The following DRICH1 variants were observed in gnomAD, a reference collection of about 807,000 sequenced individuals.
The protein encoded by DRICH1 is aspartate rich 1, also known as aspartate-rich protein 1.
Under a neutral mutation model 39.5 loss-of-function variants are expected in DRICH1, and 38 were observed. That is an observed-to-expected ratio of 0.96 (90% CI 0.74 to 1.26). DRICH1 has a LOEUF of 1.26. DRICH1 is among the 50% of genes most tolerant of loss of function. The probability of loss-of-function intolerance (pLI) is 0.00; values close to 1 mark genes in which losing one functional copy is unlikely to be tolerated. For missense variants in DRICH1, 279 were observed against 270.4 expected (o/e 1.03, Z -0.22); for synonymous variants, 84 against 99.5 (o/e 0.84, Z 0.93).
At chr22:23,619,910 C>G (rs1008904841) in intron 5 of DRICH1, among the ~76,000 whole-genome samples, 5 of 151,758 alleles carry the variant, frequency 3.3e-5, no homozygotes, top group Admixed American at 3.3e-4. Context: ...ATCCATTTCT[C>G]CTATGCATCT....
At chr22:23,592,779 G>A in the DRICH1 span, among the ~76,000 whole-genome samples, 1 of 151,362 alleles carries the variant, frequency 6.6e-6, no homozygotes, top group East Asian at 1.9e-4. Context: ...ATCACCTGAG[G>A]TCAGGAGTTT....
At chr22:23,631,658 A>T (rs1392285982) in intron 1 of DRICH1, among the ~76,000 whole-genome samples, 158 bp downstream of exon 1, 5 of 115,950 alleles carry the variant, frequency 4.3e-5, no homozygotes. Context: ...GACAGGAGGC[A>T]GAGTCAGCCT....
chr22:23,592,007 C>G, the DRICH1 span, among the ~76,000 whole-genome samples: 2 of 152,190 alleles, frequency 1.3e-5, no homozygotes, highest in African/African-American at 2.4e-5. Context: ...TCCCCCAAAC[C>G]TCCAGCCCAG....
chr22:23,589,463 A>C, the DRICH1 span, among the ~76,000 whole-genome samples: 6 of 149,522 alleles, frequency 4.0e-5, no homozygotes, highest in South Asian at 6.4e-4. Flanking sequence ...AAAAAAACCC[A>C]AAAAACATAC....
At chr22:23,626,153 G>A (rs139680568) in intron 1 of DRICH1, 105 bp from the exon 2 acceptor site, 11 of 745,318 alleles carry the variant, frequency 1.5e-5, no homozygotes, top group East Asian at 5.0e-5. Context: ...CTGAAGGTTC[G>A]GAGACCATCT....
Position 23,621,699 on chromosome 22 carries a change from C to T in DRICH1, c.384+392G>A, listed in dbSNP as rs146976376. On this transcript the variant is annotated intron_variant, in intron 4 of 11. Transcript: ENST00000317749. ...GAAGCCGAGGTGGGTGGATTACCTG[C>T]GGTCAGGAGTTCGAGACCAGCCTGG... Among the ~76,000 whole-genome samples, 787 of 152,108 alleles carry T rather than the reference C, an allele frequency of 5.2e-3. 10 individuals are homozygous for T. The highest frequency in any genetic ancestry group is 0.017 in the African/African-American group (717 of 41,488).
At chr22:23,585,550 C>A in the DRICH1 span, among the ~76,000 whole-genome samples, 1 of 151,984 alleles carries the variant, frequency 6.6e-6, no homozygotes, top group Non-Finnish European at 1.5e-5. Flanking sequence ...GAGACAGTCT[C>A]ACTGTCACCC....
chr22:23,622,755 T>C (rs990389650), intron 3 of DRICH1, among the ~76,000 whole-genome samples: 6 of 125,734 alleles, frequency 4.8e-5, no homozygotes, highest in East Asian at 2.5e-4. Context: ...TCTGGAATAA[T>C]GGTGTGTGCC....
At chr22:23,620,399 C>T (rs967834130) in intron 5 of DRICH1, among the ~76,000 whole-genome samples, 195 bp downstream of exon 5, 2 of 152,118 alleles carry the variant, frequency 1.3e-5, no homozygotes, top group Non-Finnish European at 2.9e-5. Context: ...GACACACTGG[C>T]TCACACAAAA....
At chr22:23,616,785 T>C in intron 8 of DRICH1, 68 bp downstream of exon 8, 1 of 1,583,230 alleles carries the variant, frequency 6.3e-7, no homozygotes, top group Non-Finnish European at 8.7e-7. Context: ...GGAACCCAGA[T>C]TAAGGTTTCC....
chr22:23,607,516 C>T (rs1047525203), downstream of DRICH1, among the ~76,000 whole-genome samples: 16 of 143,592 alleles, frequency 1.1e-4, no homozygotes, highest in Non-Finnish European at 2.1e-4. Context: ...TGGCCGTGGC[C>T]ATGTCCTCTT....
chr22:23,595,927 A>G, the DRICH1 span, among the ~76,000 whole-genome samples: 1 of 152,202 alleles, frequency 6.6e-6, no homozygotes, highest in Admixed American at 6.5e-5. Flanking sequence ...GAGAAGCATC[A>G]TTGCTGGCCA....
the DRICH1 span, among the ~76,000 whole-genome samples, chr22:23,584,290 G>A: frequency 1.3e-5 from 2 of 152,264 alleles, no homozygotes; most frequent in Non-Finnish European, 2.9e-5. Flanking sequence ...GTCCTGCCTG[G>A]CTGTCCTCTC....
chr22:23,610,440 C>T (rs9624230), intron 11 of DRICH1: 45,153 of 152,152 alleles, frequency 0.3, 7,019 homozygotes, highest in East Asian at 0.49. Context: ...CTACCTCCCC[C>T]TCCAGGATGC....
At chr22:23,605,483 G>C (rs931156638), downstream of DRICH1, among the ~76,000 whole-genome samples, 2 of 152,194 alleles carry the variant, frequency 1.3e-5, no homozygotes, top group Non-Finnish European at 2.9e-5. Context: ...CCCCTGCCCA[G>C]TGGGGGAAAG....
At chr22:23,600,841 T>G in the DRICH1 span, among the ~76,000 whole-genome samples, 1 of 151,734 alleles carries the variant, frequency 6.6e-6, no homozygotes, top group African/African-American at 2.4e-5. Flanking sequence ...ACCAGCTAAT[T>G]TTTTATATTT....
rs770460056 is a variant in DRICH1 at position 23,617,543 on chromosome 22, T to C, written c.519+32A>G. 2.5e-6 allele frequency: 4 copies of C among 1,612,086 alleles called. 1 individual carries two copies. The highest frequency in any genetic ancestry group is 3.4e-6 in the Non-Finnish European group (4 of 1,178,178). On this transcript the variant is annotated intron_variant, in intron 7 of 11. Coordinates refer to ENST00000317749, the MANE Select transcript of DRICH1 (RefSeq NM_016449.4). ...TGTTTCTCACATCAGAAAACCAACA[T>C]TTCCTTAGAAGACAAAGAAAGGTTG...
In DRICH1 at chr22:23,617,709, T is replaced by C. The variant is rs756657918; in HGVS notation, c.437-52A>G. The C allele has an allele frequency of 1.9e-6, 3 of 1,568,604 alleles. No individual in the cohort carries two copies. In the African/African-American group the frequency reaches 4.1e-5, roughly 21 times the overall value. On this transcript the variant is annotated intron_variant, in intron 6 of 11. Transcript: ENST00000317749. ...TGCCCTGGTTGTTTGTGACTGTGAG[T>C]CACTCAGGGAGCTTTGCTGGATGTG...
intron 2 of DRICH1, among the ~76,000 whole-genome samples, chr22:23,625,190 T>C (rs1375123634): frequency 6.6e-6 from 1 of 152,222 alleles, no homozygotes; most frequent in Non-Finnish European, 1.5e-5. Context: ...TGATGATGGA[T>C]GCTGTCATTT....
Sources: gnomAD v4.1 joint callset for allele counts (sites outside exome capture counted in the v4.1 genomes callset) on GRCh38, gnomAD v4.1.1 for gene constraint, MANE v1.5 for transcripts, NCBI Gene and HGNC (gene_info 2026-07-23, HGNC 2026-07-21) for gene names.